The following HSD17B7 variants were observed in gnomAD, a reference collection of about 807,000 sequenced individuals.
The protein encoded by HSD17B7 is 3-keto-steroid reductase/17-beta-hydroxysteroid dehydrogenase 7.
A neutral mutation model predicts 34.1 loss-of-function variants in HSD17B7; 17 were observed. The observed-to-expected ratio is 0.50, with a 90% CI of 0.34 to 0.75. HSD17B7 has a LOEUF of 0.75. Ranked by LOEUF, HSD17B7 falls within the 30% of genes least tolerant of loss-of-function variation. HSD17B7 has a pLI of 0.01. For synonymous variants in HSD17B7, 122 were observed against 154.6 expected, an observed-to-expected ratio of 0.79 and a Z score of 1.56; for missense variants, 296 against 406.6, an observed-to-expected ratio of 0.73 and a Z score of 2.34.
rs1362689416 is a variant in HSD17B7 at position 162,812,642 on chromosome 1, C to T, written c.*222C>T. 3.5e-5 allele frequency: 12 copies of T among 343,178 alleles called. No individual in the cohort carries two copies. The highest frequency in any genetic ancestry group is 5.8e-5 in the Non-Finnish European group (11 of 191,200). The allele number at this position is 343,178 out of a possible 1,614,324, so 21.3% of individuals were successfully genotyped here. On this transcript the variant is annotated 3_prime_UTR_variant, in exon 9 of 9. Transcript: ENST00000254521. ...GCAGTGAGCTGAGATTGTGCCACTG[C>T]ACTCCAGCCTGGGTGACAGCGAGAC...
intron 8 of HSD17B7, among the ~76,000 whole-genome samples, chr1:162,806,967 T>G (rs569607758): frequency 6.6e-6 from 1 of 152,354 alleles, no homozygotes; most frequent in Admixed American, 6.5e-5. Context: ...GTTATTTTCT[T>G]TCTTTTTTTT....
intron 8 of HSD17B7, among the ~76,000 whole-genome samples, chr1:162,808,443 C>A (rs1221806361): frequency 6.6e-6 from 1 of 152,132 alleles, no homozygotes; most frequent in Non-Finnish European, 1.5e-5. Flanking sequence ...ATTGTCTTGG[C>A]AATGCGGGCC....
At chr1:162,803,245 G>C (rs1210241447) in intron 5 of HSD17B7, 186 bp from the exon 6 acceptor site, 2 of 579,350 alleles carry the variant, frequency 3.5e-6, no homozygotes, top group Non-Finnish European at 5.3e-6. Context: ...TCTCACAGTG[G>C]GTTCTCTTAA....
chr1:162,810,903 A>G (rs558082192), intron 8 of HSD17B7, among the ~76,000 whole-genome samples: 2 of 151,986 alleles, frequency 1.3e-5, no homozygotes, highest in South Asian at 4.1e-4. Context: ...TCTTTATCCA[A>G]TTTGCCAGTC....
Position 162,792,811 on chromosome 1 carries a change from A to G in HSD17B7, c.188A>G (p.Asp63Gly). 1.2e-6 allele frequency: 2 copies of G among 1,614,204 alleles called. No individual in the cohort carries two copies. Among genetic ancestry groups the G allele is most frequent in the Non-Finnish European group, 1.7e-6 (2 of 1,180,036 alleles). The change falls in exon 2 of 9, where the codon GAT (aspartate) becomes GGT (glycine). Residue 63 changes from aspartate to glycine, a missense_variant. By Grantham distance (94) the Asp-to-Gly change is moderately conservative. Transcript: ENST00000254521. ...PTAEVTIVQVDVSNLQSVFRA... is the reference protein window; with the variant it reads ...PTAEVTIVQVGVSNLQSVFRA... ...GCTGAGGTCACCATTGTCCAGGTGGATGTCAGCAACCTGCAGTCGGTCTTC... is the reference window on the plus strand; with the variant it reads ...GCTGAGGTCACCATTGTCCAGGTGGGTGTCAGCAACCTGCAGTCGGTCTTC...
intron 4 of HSD17B7, chr1:162,798,210 G>A (rs183276540): frequency 6.0e-5 from 23 of 382,038 alleles, no homozygotes; most frequent in Admixed American, 2.7e-4. Context: ...TTAACATTTC[G>A]CATTGGTATG....
intron 8 of HSD17B7, among the ~76,000 whole-genome samples, chr1:162,809,733 G>A (rs1571011490): frequency 1.3e-5 from 2 of 152,206 alleles, no homozygotes; most frequent in African/African-American, 4.8e-5. Flanking sequence ...ATTTCTTCTA[G>A]ATTTTCTAGT....
At chr1:162,802,450 A>G (rs2102234461) in intron 5 of HSD17B7, among the ~76,000 whole-genome samples, 1 of 152,142 alleles carries the variant, frequency 6.6e-6, no homozygotes, top group Non-Finnish European at 1.5e-5. Flanking sequence ...ACTTTTTTCT[A>G]GAGGATTGTT....
chr1:162,796,830 G>C (rs1648628820), intron 3 of HSD17B7, among the ~76,000 whole-genome samples, 153 bp downstream of exon 3: 3 of 152,162 alleles, frequency 2.0e-5, no homozygotes, highest in Non-Finnish European at 4.4e-5. Context: ...TATCATGAAA[G>C]AAAAGCAATC....
intron 4 of HSD17B7, chr1:162,798,639 G>C (rs1648701752): frequency 1.3e-5 from 2 of 156,132 alleles, no homozygotes; most frequent in South Asian, 3.5e-4. Context: ...TTGAGGTCAT[G>C]TTTGTCAGGT....
chr1:162,812,272 C>A, intron 8 of HSD17B7, 26 bp from the exon 9 acceptor site: 6 of 1,608,918 alleles, frequency 3.7e-6, no homozygotes, highest in South Asian at 1.1e-5. Flanking sequence ...CATTTCTAGA[C>A]ATCTCTATTT....
chr1:162,805,010 A>G lies in HSD17B7; in HGVS notation c.805-384A>G, dbSNP rs555890034. Reference sequence around the variant, plus strand: ...CCTTTACATTTGTCTCCCTCATTCCATTGAACTCCTTCAGGATTTTTGCTA... The same window carrying G: ...CCTTTACATTTGTCTCCCTCATTCCGTTGAACTCCTTCAGGATTTTTGCTA... On this transcript the variant is annotated intron_variant, in intron 7 of 8. Coordinates refer to ENST00000254521, the MANE Select transcript of HSD17B7 (RefSeq NM_016371.4). Among the ~76,000 whole-genome samples, 89 of 152,284 alleles carry G rather than the reference A, an allele frequency of 5.8e-4. No homozygotes were observed. In the South Asian group the frequency reaches 6.2e-3, roughly 11 times the overall value.
chr1:162,809,745 T>A lies in HSD17B7; in HGVS notation c.904-2553T>A, dbSNP rs1312334293. ...TCCATTTCTTCTAGATTTTCTAGTTTATTTGCGTAGAGGTGTTTATAGTAT... is the reference window on the plus strand; with the variant it reads ...TCCATTTCTTCTAGATTTTCTAGTTAATTTGCGTAGAGGTGTTTATAGTAT... On this transcript the variant is annotated intron_variant, in intron 8 of 8. Coordinates refer to ENST00000254521, the MANE Select transcript of HSD17B7 (RefSeq NM_016371.4). 7.2e-5 allele frequency among the ~76,000 whole-genome samples: 11 copies of A among 152,292 alleles called. No homozygotes were observed. The East Asian group carries it at 1.9e-3, about 27-fold the overall frequency.
At chr1:162,793,124 C>T (rs1648474346) in intron 2 of HSD17B7, 1 of 169,722 alleles carries the variant, frequency 5.9e-6, no homozygotes, top group South Asian at 3.6e-5. Flanking sequence ...ACCTCCACCT[C>T]CTGGGTTCCA....
rs768897372 is a variant in HSD17B7, at chr1:162,797,849, G to T, written c.380G>T (p.Gly127Val). The T allele has an allele frequency of 1.2e-6, 2 of 1,613,780 alleles. No individual in the cohort carries two copies. Among genetic ancestry groups the T allele is most frequent in the Non-Finnish European group, 1.7e-6 (2 of 1,179,806 alleles). The stretch of plus-strand genomic sequence containing the variant: ...ACAGCTGAAGGCCTGCTGACCCAGG[G>T]TGATAAGATCACTGCTGATGGACTT... ...FSTAEGLLTQ[G>V]DKITADGLQE... The change falls in exon 4 of 9, where the codon GGT becomes GTT. Residue 127 changes from glycine (G) to valine (V), a missense_variant. Transcript: ENST00000254521.
rs748071862 is a variant in HSD17B7 at position 162,797,882 on chromosome 1, T to C, written c.413T>C (p.Val138Ala). 2.5e-6 allele frequency: 4 copies of C among 1,613,704 alleles called. No individual in the cohort carries two copies. Among genetic ancestry groups the C allele is most frequent in the Non-Finnish European group, 3.4e-6 (4 of 1,179,794 alleles). Reference sequence around the variant, plus strand: ...ATCACTGCTGATGGACTTCAGGAGGTGTTTGAGACCAATGTCTTTGGCCAT... The same window carrying C: ...ATCACTGCTGATGGACTTCAGGAGGCGTTTGAGACCAATGTCTTTGGCCAT... The part of the protein sequence containing the change: ...DKITADGLQE[V>A]FETNVFGHFI... Residue 138 changes from valine (V) to alanine (A), a missense_variant, in exon 4 of 9, where the codon GTG becomes GCG. By Grantham distance (64) the Val-to-Ala change is moderately conservative. Transcript: ENST00000254521.
intron 2 of HSD17B7, among the ~76,000 whole-genome samples, chr1:162,794,519 T>G (rs2102229746): frequency 6.6e-6 from 1 of 152,320 alleles, no homozygotes; most frequent in South Asian, 2.1e-4. Context: ...TCACATAAAT[T>G]TTGATATATT....
chr1:162,800,397 T>TG, intron 5 of HSD17B7: 1 of 417,480 alleles, frequency 2.4e-6, no homozygotes. Context: ...CTTTATAGCT[T>TG]GGACTTTTCC....
At chr1:162,795,451 C>T (rs1175653732) in intron 2 of HSD17B7, among the ~76,000 whole-genome samples, 1 of 152,046 alleles carries the variant, frequency 6.6e-6, no homozygotes, top group Non-Finnish European at 1.5e-5. Flanking sequence ...CGTTCCTAGC[C>T]AAATATGTTA....
Sources: gnomAD v4.1 joint callset for allele counts (sites outside exome capture counted in the v4.1 genomes callset) on GRCh38, gnomAD v4.1.1 for gene constraint, MANE v1.5 for transcripts, NCBI Gene and HGNC (gene_info 2026-07-23, HGNC 2026-07-21) for gene names.